Variants in PLOD2 observed in about 807,000 individuals in gnomAD.
PLOD2 encodes the protein lysine hydroxylase 2.
PLOD2 carries 65 observed loss-of-function variants against 101.0 expected under a neutral mutation model. The observed-to-expected ratio is 0.64, with a 90% confidence interval of 0.53 to 0.79. PLOD2 has a LOEUF of 0.79. PLOD2 is among the 30% of genes least tolerant of loss of function. The probability of loss-of-function intolerance (pLI) is 0.00; values close to 1 mark genes in which losing one functional copy is unlikely to be tolerated. For synonymous variants in PLOD2, 314 were observed against 302.9 expected (o/e 1.04, Z -0.38); for missense variants, 909 against 914.6 (o/e 0.99, Z 0.08).
At chr3:146,118,471 A>G (rs546005254) in intron 3 of PLOD2, among the ~76,000 whole-genome samples, 16 of 124,260 alleles carry the variant, frequency 1.3e-4, no homozygotes, top group Non-Finnish European at 3.7e-5. Context: ...ATGCATAAAA[A>G]TATTACTCTT....
At chr3:146,092,867 C>G (rs1326549436) in intron 7 of PLOD2, among the ~76,000 whole-genome samples, 3 of 152,082 alleles carry the variant, frequency 2.0e-5, no homozygotes, top group African/African-American at 7.2e-5. Flanking sequence ...TTTTAATACC[C>G]AGTAGTGGTA....
At chr3:146,096,867 T>C (rs1341869737) in intron 7 of PLOD2, among the ~76,000 whole-genome samples, 2 of 51,924 alleles carry the variant, frequency 3.9e-5, no homozygotes, top group Admixed American at 3.6e-4. Context: ...AGCTGCCCCG[T>C]CCGGGAGGGA....
At chr3:146,151,720 T>A (rs2032064542) in intron 1 of PLOD2, among the ~76,000 whole-genome samples, 1 of 152,176 alleles carries the variant, frequency 6.6e-6, no homozygotes. Flanking sequence ...ATACATTATT[T>A]TCCCTGTAAG....
chr3:146,110,375 A>C lies in PLOD2; in HGVS notation c.412T>G (p.Phe138Val). The C allele has an allele frequency of 6.2e-7, 1 of 1,613,744 alleles. No individual in the cohort carries two copies. Among genetic ancestry groups the C allele is most frequent in the Non-Finnish European group, 8.5e-7 (1 of 1,179,756 alleles). The change falls in exon 4 of 20, where the codon TTT becomes GTT. Residue 138 changes from phenylalanine to valine, a missense_variant. Phe to Val is a conservative substitution (Grantham distance 50). Coordinates refer to ENST00000282903, the MANE Select transcript of PLOD2 (RefSeq NM_182943.3). ...GGCCACAAAATTCCATCTGCTGCAA[A>C]GACCACTTTGTGGTTTGCCTTTTGG... ...KFQKANHKVV[F>V]AADGILWPDK... is the part of the protein sequence containing the mutation.
At chr3:146,159,296 T>C (rs986734371) in intron 1 of PLOD2, among the ~76,000 whole-genome samples, 14 of 152,204 alleles carry the variant, frequency 9.2e-5, no homozygotes, top group Non-Finnish European at 2.1e-4. Context: ...CACAATCCAT[T>C]AAAAGTTTAC....
chr3:146,123,231 T>TAA, intron 2 of PLOD2: 1 of 825,924 alleles, frequency 1.2e-6, no homozygotes, highest in South Asian at 2.3e-5. Flanking sequence ...TCTTCTTTTT[T>TAA]AAAAAAAAAG....
intron 1 of PLOD2, among the ~76,000 whole-genome samples, chr3:146,149,592 T>C (rs2031964365): frequency 1.3e-5 from 2 of 152,280 alleles, no homozygotes; most frequent in South Asian, 4.1e-4. Context: ...TAAAAAAATA[T>C]GTTTATGCTT....
intron 1 of PLOD2, among the ~76,000 whole-genome samples, chr3:146,148,340 A>ACGCACG (rs947734242): frequency 4.3e-4 from 35 of 81,416 alleles, no homozygotes; most frequent in Admixed American, 1.1e-3. Flanking sequence ...GCAGGCACGC[A>ACGCACG]CACACACACA....
chr3:146,095,591 G>A (rs530253286), intron 7 of PLOD2, among the ~76,000 whole-genome samples: 5 of 152,166 alleles, frequency 3.3e-5, no homozygotes, highest in South Asian at 4.1e-4. Context: ...AAATAGGAAC[G>A]CTTTTACGCT....
Position 146,088,715 on chromosome 3 carries a change from T to C in PLOD2, c.880-4A>G. ...CTATTGATACGTTTGGATGGACCTT[T>C]GTTTTACACCAAACATAAAAATAAA... On this transcript the variant is annotated splice_polypyrimidine_tract_variant and splice_region_variant and intron_variant, in intron 8 of 19. Coordinates refer to ENST00000282903, the MANE Select transcript of PLOD2 (RefSeq NM_182943.3). 1 of 1,599,898 alleles carries C rather than the reference T, an allele frequency of 6.3e-7. No individual in the cohort carries two copies. Among genetic ancestry groups the C allele is most frequent in the Non-Finnish European group, 8.6e-7 (1 of 1,168,182 alleles).
chr3:146,138,766 A>G (rs2031372004), intron 1 of PLOD2, among the ~76,000 whole-genome samples: 1 of 152,216 alleles, frequency 6.6e-6, no homozygotes, highest in Non-Finnish European at 1.5e-5. Context: ...CTGAGTAAAG[A>G]GATGATATAA....
At chr3:146,072,404 G>T (rs1208382716) in intron 17 of PLOD2, among the ~76,000 whole-genome samples, 157 bp downstream of exon 17, 1 of 151,690 alleles carries the variant, frequency 6.6e-6, no homozygotes, top group Non-Finnish European at 1.5e-5. Flanking sequence ...ATTGGTTGGT[G>T]GGAGAAGTAG....
intron 7 of PLOD2, among the ~76,000 whole-genome samples, chr3:146,096,937 G>A (rs1937199407): frequency 7.2e-6 from 1 of 138,926 alleles, no homozygotes; most frequent in Admixed American, 7.0e-5. Flanking sequence ...CCTCTGCCCG[G>A]CCGCCCCTAC....
At position 146,070,101 on chromosome 3, in the gene PLOD2, A is replaced by G. The variant is rs1309008074; in HGVS notation, c.*616T>C. On this transcript the variant is annotated 3_prime_UTR_variant, in exon 20 of 20. Transcript: ENST00000282903. ...CTAATATAAAATAATCTGCCTTCCA[A>G]TCAAAACAAAAATGTTTTCAACTGT... The G allele has an allele frequency of 6.6e-6, 1 of 151,914 alleles. No individual in the cohort carries two copies. The highest frequency in any genetic ancestry group is 2.4e-5 in the African/African-American group (1 of 41,422). 9.4% of individuals were successfully genotyped at this position (151,914 alleles called of 1,614,324 possible).
At chr3:146,104,697 G>A (rs993715008) in intron 5 of PLOD2, among the ~76,000 whole-genome samples, 3 of 152,072 alleles carry the variant, frequency 2.0e-5, no homozygotes, top group Non-Finnish European at 4.4e-5. Context: ...TTGCTTTACT[G>A]TACTCCAGAG....
intron 1 of PLOD2, among the ~76,000 whole-genome samples, chr3:146,141,232 T>C (rs1576624905): frequency 6.6e-6 from 1 of 152,120 alleles, no homozygotes; most frequent in South Asian, 2.1e-4. Context: ...CAATTTAAAT[T>C]GCTGTATTCT....
At position 146,079,189 on chromosome 3, in the gene PLOD2, A is replaced by G. The variant is rs951676171; in HGVS notation, c.1427T>C (p.Met476Thr). 7.4e-6 allele frequency: 12 copies of G among 1,611,490 alleles called. No individual in the cohort carries two copies. In the African/African-American group the frequency reaches 1.2e-4, roughly 16 times the overall value. Residue 476 changes from methionine to threonine, a missense_variant, in exon 13 of 20, where the codon ATG becomes ACG. By Grantham distance (81) the Met-to-Thr change is moderately conservative. Transcript: ENST00000282903. ...ACGAACAAAATAGTTCCTTTCATTC[A>G]TCTCTGATCGGAGTGTCTTTCCTTT... Reference protein sequence around the residue: ...LIKGKTLRSEMNERNYFVRDK... With the variant: ...LIKGKTLRSETNERNYFVRDK...
At chr3:146,150,263 T>C (rs1393340357) in intron 1 of PLOD2, among the ~76,000 whole-genome samples, 1 of 152,182 alleles carries the variant, frequency 6.6e-6, no homozygotes, top group East Asian at 1.9e-4. Context: ...AATCATATTT[T>C]AAAGATAATT....
chr3:146,123,400 C>G, intron 2 of PLOD2: 1 of 343,922 alleles, frequency 2.9e-6, no homozygotes, highest in Non-Finnish European at 4.7e-6. Flanking sequence ...ATCAATTTCC[C>G]CAAGTTTCCT....
Sources: gnomAD v4.1 joint callset for allele counts (sites outside exome capture counted in the v4.1 genomes callset) on GRCh38, gnomAD v4.1.1 for gene constraint, MANE v1.5 for transcripts, NCBI Gene and HGNC (gene_info 2026-07-23, HGNC 2026-07-21) for gene names.